The following PTPRN2 variants were observed in gnomAD, a reference collection of about 807,000 sequenced individuals.
PTPRN2 encodes protein tyrosine phosphatase receptor type N2, also known as receptor-type tyrosine-protein phosphatase N2.
Under a neutral mutation model 118.8 loss-of-function variants are expected in PTPRN2, and 74 were observed. The ratio of observed to expected loss-of-function variants is 0.62; its 90% CI spans 0.52 to 0.76. The LOEUF (loss-of-function observed/expected upper bound fraction) is 0.76. PTPRN2 is among the 30% of genes least tolerant of loss of function. The pLI is 0.00. For missense variants in PTPRN2, 1,481 were observed against 1,394.4 expected, an observed-to-expected ratio of 1.06 and a Z score of -0.99; for synonymous variants, 641 against 608.0, an observed-to-expected ratio of 1.05 and a Z score of -0.80.
intron 11 of PTPRN2, among the ~76,000 whole-genome samples, chr7:157,992,940 C>T (rs554145018): frequency 6.6e-5 from 10 of 152,368 alleles, no homozygotes; most frequent in East Asian, 1.9e-4. Context: ...GCGTGGCGGC[C>T]GGGTCACTCC....
At chr7:158,330,000 G>A (rs563045768) in intron 2 of PTPRN2, among the ~76,000 whole-genome samples, 150 of 151,966 alleles carry the variant, frequency 9.9e-4, no homozygotes, top group Non-Finnish European at 1.6e-3. Context: ...GCCCGCAGAC[G>A]ACACTCACAC....
At chr7:157,756,879 C>T (rs1801812614) in intron 12 of PTPRN2, among the ~76,000 whole-genome samples, 1 of 151,946 alleles carries the variant, frequency 6.6e-6, no homozygotes, top group South Asian at 2.1e-4. Flanking sequence ...ATTCCTCAGC[C>T]AGGGTTGTGC....
At chr7:158,164,034 C>T (rs1185066881) in intron 6 of PTPRN2, among the ~76,000 whole-genome samples, 5 of 152,228 alleles carry the variant, frequency 3.3e-5, no homozygotes, top group African/African-American at 4.8e-5. Context: ...TCACCAGCAT[C>T]GCAGGGTAGC....
At chr7:158,074,725 C>T (rs1175486093) in intron 11 of PTPRN2, among the ~76,000 whole-genome samples, 1 of 152,090 alleles carries the variant, frequency 6.6e-6, no homozygotes, top group Non-Finnish European at 1.5e-5. Context: ...AACCTGCTCT[C>T]CCCAGCAGTG....
chr7:157,800,019 A>G (rs1262933469), intron 12 of PTPRN2, among the ~76,000 whole-genome samples: 1 of 134,904 alleles, frequency 7.4e-6, no homozygotes, highest in Non-Finnish European at 1.6e-5. Context: ...CACCACAGGC[A>G]GCCTCCTCTG....
chr7:158,028,993 C>G (rs1351209330), intron 11 of PTPRN2: 1 of 152,344 alleles, frequency 6.6e-6, no homozygotes, highest in Non-Finnish European at 1.5e-5. Context: ...AATCAGCTGT[C>G]TTCATGTTCA....
intron 12 of PTPRN2, among the ~76,000 whole-genome samples, chr7:157,772,684 GGCATTGGGTCTCA>G (rs1238963975): frequency 6.6e-6 from 1 of 152,240 alleles, no homozygotes; most frequent in Non-Finnish European, 1.5e-5. Flanking sequence ...CGAGGCTCTC[GGCATTGGGTCTCA>G]GCGTTGGGTC....
rs552622096 is a variant in PTPRN2, at chr7:157,603,313, A to C, written c.2418+689T>G. 1.3e-5 allele frequency among the ~76,000 whole-genome samples: 2 copies of C among 152,186 alleles called. No homozygotes were observed. The highest frequency in any genetic ancestry group is 4.8e-5 in the African/African-American group (2 of 41,432). On this transcript the variant is annotated intron_variant, in intron 16 of 22. Coordinates refer to ENST00000389418, the MANE Select transcript of PTPRN2 (RefSeq NM_002847.5). The surrounding 1 kb of genome is among the most constrained non-coding windows in gnomAD (Gnocchi z 5.4). ...CTCCCCCGACAGGTCATGACAGGGA[A>C]GGGGGATGCCCAGAGTTAAATAGGG...
chr7:158,322,999 C>T (rs1167225225), intron 2 of PTPRN2, among the ~76,000 whole-genome samples: 1 of 152,232 alleles, frequency 6.6e-6, no homozygotes, highest in Non-Finnish European at 1.5e-5. Context: ...CAACACACAT[C>T]CCTCTGCCGG....
intron 11 of PTPRN2, among the ~76,000 whole-genome samples, chr7:157,937,592 G>C (rs1799797370): frequency 6.6e-6 from 1 of 152,222 alleles, no homozygotes. Flanking sequence ...TTCCCACCCA[G>C]GAGAAGCCGC....
intron 2 of PTPRN2, among the ~76,000 whole-genome samples, chr7:158,337,064 G>C (rs1459254694): frequency 7.2e-6 from 1 of 138,544 alleles, no homozygotes; most frequent in Non-Finnish European, 1.6e-5. Flanking sequence ...GTCACCATAA[G>C]AGCTGACACC....
At chr7:158,170,779 A>G (rs1329830215) in intron 5 of PTPRN2, among the ~76,000 whole-genome samples, 1 of 152,154 alleles carries the variant, frequency 6.6e-6, no homozygotes, top group African/African-American at 2.4e-5. Context: ...GTCCCCAAGG[A>G]AAAGGAACTG....
intron 8 of PTPRN2, among the ~76,000 whole-genome samples, chr7:158,135,667 C>T (rs1042468365): frequency 5.9e-5 from 9 of 152,112 alleles, no homozygotes; most frequent in African/African-American, 1.4e-4. Flanking sequence ...TGGGTCTCCC[C>T]GACTCCCTAA....
At chr7:157,786,812 A>T (rs1157096416) in intron 12 of PTPRN2, among the ~76,000 whole-genome samples, 1 of 152,260 alleles carries the variant, frequency 6.6e-6, no homozygotes, top group East Asian at 1.9e-4. Flanking sequence ...TGGTTTCATC[A>T]TCAGGTGGGT....
Position 157,794,285 on chromosome 7 carries a change from T to A in PTPRN2, c.1788+104388A>T, listed in dbSNP as rs910970826. ...CCTCGTTCTCTGCTCCGACCCGGGC[T>A]CACACCTCCCCTCGTTCTCTGCTCT... On this transcript the variant is annotated intron_variant, in intron 12 of 22. Coordinates refer to ENST00000389418, the MANE Select transcript of PTPRN2 (RefSeq NM_002847.5). This position sits in a 1 kb window ranked among gnomAD's most constrained non-coding sequence, Gnocchi z 5.2. 6.6e-6 allele frequency among the ~76,000 whole-genome samples: 1 copy of A among 150,732 alleles called. No homozygotes were observed. The highest frequency in any genetic ancestry group is 2.4e-5 in the African/African-American group (1 of 40,986).
At chr7:157,999,650 G>A (rs1190933047) in intron 11 of PTPRN2, among the ~76,000 whole-genome samples, 1 of 152,154 alleles carries the variant, frequency 6.6e-6, no homozygotes, top group African/African-American at 2.4e-5. Context: ...CCAGGGGGAA[G>A]AGGTGCTGTC....
At chr7:157,669,557 C>T (rs1404053432) in intron 13 of PTPRN2, 1 of 490,126 alleles carries the variant, frequency 2.0e-6, no homozygotes, top group Admixed American at 2.1e-5. Flanking sequence ...ACAGCTCCTG[C>T]AGGAAGGGGT....
rs148264529 is a variant in PTPRN2, at chr7:158,454,936, G to A, written c.163+34799C>T. Among the ~76,000 whole-genome samples, 652 of 152,242 alleles carry A rather than the reference G, an allele frequency of 4.3e-3. 7 individuals carry two copies. Among genetic ancestry groups the A allele is most frequent in the African/African-American group, 0.015 (622 of 41,538 alleles). ...CTCAGCGACCCCCCGGGGGCCCCTC[G>A]AAATGTGTTTGTCAGGCTGCCTCCA... On this transcript the variant is annotated intron_variant, in intron 2 of 22. Transcript: ENST00000389418.
At chr7:158,004,988 C>T (rs1805539791) in intron 11 of PTPRN2, among the ~76,000 whole-genome samples, 1 of 152,108 alleles carries the variant, frequency 6.6e-6, no homozygotes, top group South Asian at 2.1e-4. Context: ...CACACCTCCC[C>T]CTTTCCTCAC....
Sources: allele counts gnomAD v4.1 joint callset (sites outside exome capture counted in the v4.1 genomes callset), GRCh38; gene constraint gnomAD v4.1.1; non-coding constraint Gnocchi (gnomAD v3.1); transcripts MANE v1.5; gene names NCBI Gene and HGNC (gene_info 2026-07-23, HGNC 2026-07-21).